CCNY: variants seen among roughly 807,000 people sequenced by gnomAD.
The protein encoded by CCNY is cyclin Y.
In CCNY, 19 loss-of-function variants were observed where a neutral mutation model predicts 42.8. That is an observed-to-expected ratio of 0.44 (90% CI 0.31 to 0.65). The LOEUF is 0.65. Ranked by LOEUF, CCNY falls within the 30% of genes least tolerant of loss-of-function variation. CCNY has a pLI of 0.07. For synonymous variants in CCNY, 165 were observed against 162.7 expected (o/e 1.01, Z -0.11); for missense variants, 370 against 437.3 (o/e 0.85, Z 1.37).
intron 1 of CCNY, among the ~76,000 whole-genome samples, chr10:35,377,138 A>G (rs888543919): frequency 6.6e-6 from 1 of 152,206 alleles, no homozygotes; most frequent in African/African-American, 2.4e-5. Context: ...CCGTAATGTC[A>G]TAGTATAATT....
At chr10:35,365,476 TA>T (rs1044120771) in intron 1 of CCNY, among the ~76,000 whole-genome samples, 3 of 149,110 alleles carry the variant, frequency 2.0e-5, no homozygotes, top group African/African-American at 7.8e-5. Flanking sequence ...TGTTGAATAT[TA>T]AAAAATTGCA....
intron 3 of CCNY, among the ~76,000 whole-genome samples, chr10:35,275,881 C>CG (rs1437809983): frequency 6.6e-6 from 1 of 152,198 alleles, no homozygotes; most frequent in African/African-American, 2.4e-5. Flanking sequence ...CCCCAGCCAC[C>CG]GCCGGTTTAG....
chr10:35,342,523 C>T (rs1279145710), intron 1 of CCNY, among the ~76,000 whole-genome samples: 1 of 152,216 alleles, frequency 6.6e-6, no homozygotes, highest in African/African-American at 2.4e-5. Context: ...TTTCATGTTT[C>T]TCTTTCACTT....
At chr10:35,501,406 G>T in intron 2 of CCNY, 95 bp from the exon 3 acceptor site, 1 of 995,984 alleles carries the variant, frequency 1.0e-6, no homozygotes, top group Non-Finnish European at 1.6e-6. Flanking sequence ...TTGGTGGAAG[G>T]ACGGGACCAC....
intron 2 of CCNY, 82 bp from the exon 3 acceptor site, chr10:35,501,419 C>A: frequency 8.4e-7 from 1 of 1,184,380 alleles, no homozygotes; most frequent in South Asian, 1.2e-5. Context: ...GGGACCACGA[C>A]ACAGAGGCCC....
chr10:35,497,746 A>T (rs956919002), intron 2 of CCNY, among the ~76,000 whole-genome samples: 2 of 151,942 alleles, frequency 1.3e-5, no homozygotes, highest in Non-Finnish European at 2.9e-5. Flanking sequence ...AAAAAAAAAA[A>T]AAATTCTACT....
chr10:35,492,695 G>GGGAATGAA (rs1839924743), intron 2 of CCNY, among the ~76,000 whole-genome samples: 1 of 152,210 alleles, frequency 6.6e-6, no homozygotes, highest in African/African-American at 2.4e-5. Flanking sequence ...ACAAGCATAG[G>GGGAATGAA]GGAATGAAGG....
At chr10:35,369,269 T>G (rs898584606) in intron 1 of CCNY, among the ~76,000 whole-genome samples, 2 of 152,220 alleles carry the variant, frequency 1.3e-5, no homozygotes, top group African/African-American at 2.4e-5. Context: ...TGGTGAGGCT[T>G]GAGGTCCCAC....
chr10:35,466,142 C>T (rs1230575919), intron 1 of CCNY, among the ~76,000 whole-genome samples: 1 of 151,956 alleles, frequency 6.6e-6, no homozygotes, highest in East Asian at 1.9e-4. Flanking sequence ...GTATGGGGGG[C>T]ACACATTCAA....
At chr10:35,514,413 G>A (rs1257060549) in intron 3 of CCNY, among the ~76,000 whole-genome samples, 1 of 152,208 alleles carries the variant, frequency 6.6e-6, no homozygotes, top group African/African-American at 2.4e-5. Flanking sequence ...CAGACCCGCA[G>A]GTGGGGCAGT....
intron 3 of CCNY, among the ~76,000 whole-genome samples, chr10:35,270,170 A>G (rs905032626): frequency 3.3e-5 from 5 of 152,054 alleles, no homozygotes; most frequent in Admixed American, 6.6e-5. Flanking sequence ...CCTTACTCCA[A>G]TTGCCCTTAA....
intron 7 of CCNY, among the ~76,000 whole-genome samples, chr10:35,539,164 T>A (rs1175462907): frequency 6.6e-6 from 1 of 152,216 alleles, no homozygotes; most frequent in Non-Finnish European, 1.5e-5. Flanking sequence ...TTACCATAGA[T>A]TTGAAGTTGA....
At chr10:35,292,568 T>C (rs34595797) in intron 3 of CCNY, among the ~76,000 whole-genome samples, 64,173 of 151,506 alleles carry the variant, frequency 0.42, 14,410 homozygotes, top group African/African-American at 0.57. Context: ...GCCATGTTGG[T>C]CAGGCTGGTC....
intron 3 of CCNY, among the ~76,000 whole-genome samples, chr10:35,505,725 A>T (rs1840202564): frequency 6.6e-6 from 1 of 152,240 alleles, no homozygotes; most frequent in South Asian, 2.1e-4. Flanking sequence ...ATTATTGTCC[A>T]TTGGAATTTA....
At chr10:35,377,463 C>T (rs925088648) in intron 1 of CCNY, among the ~76,000 whole-genome samples, 4 of 152,134 alleles carry the variant, frequency 2.6e-5, no homozygotes, top group Admixed American at 6.5e-5. Context: ...TATGAACAAC[C>T]GGCTGTCCTA....
chr10:35,386,940 T>C (rs766218483), intron 1 of CCNY, among the ~76,000 whole-genome samples: 9 of 152,224 alleles, frequency 5.9e-5, no homozygotes, highest in Non-Finnish European at 1.3e-4. Flanking sequence ...AATGCAGTGC[T>C]GCCTTTGTGC....
At chr10:35,553,401 C>T (rs1326331088) in intron 8 of CCNY, among the ~76,000 whole-genome samples, 1 of 152,080 alleles carries the variant, frequency 6.6e-6, no homozygotes, top group African/African-American at 2.4e-5. Context: ...ACTGGTAACA[C>T]CTCCTGGTTT....
rs114753169 is a variant in CCNY at position 35,565,264 on chromosome 10, G to A, written c.747-759G>A. Among the ~76,000 whole-genome samples the A allele has an allele frequency of 7.6e-3, 1,164 of 152,238 alleles. 13 individuals are homozygous for A. Among genetic ancestry groups the A allele is most frequent in the African/African-American group, 0.027 (1,114 of 41,540 alleles). On this transcript the variant is annotated intron_variant, in intron 8 of 9. Coordinates refer to ENST00000374704, the MANE Select transcript of CCNY (RefSeq NM_145012.6). Reference sequence around the variant, plus strand: ...CCCAACCTACCTTTTTAGTTGAGTGGTTCTCAGAGTGTGGGCCCGGGGCAA... The same window carrying A: ...CCCAACCTACCTTTTTAGTTGAGTGATTCTCAGAGTGTGGGCCCGGGGCAA...
chr10:35,516,586 A>ACAGT lies in CCNY; in HGVS notation c.335_338dup (p.Pro114SerfsTer9). On this transcript the variant is annotated frameshift_variant, in exon 4 of 10. Transcript: ENST00000374704. LOFTEE classifies it high-confidence loss of function. ...CTCCACCATTTTCCTAGATGATAGC[A>ACAGT]CAGTCAGTCAACCAAACCTCAAGTA... is the stretch of plus-strand genomic sequence containing the variant. 1 of 1,612,400 alleles carries ACAGT rather than the reference A, an allele frequency of 6.2e-7. No homozygotes were observed. The highest frequency in any genetic ancestry group is 8.5e-7 in the Non-Finnish European group (1 of 1,179,386).
Sources: allele counts gnomAD v4.1 joint callset (sites outside exome capture counted in the v4.1 genomes callset), GRCh38; gene constraint gnomAD v4.1.1; transcripts MANE v1.5; gene names NCBI Gene and HGNC (gene_info 2026-07-23, HGNC 2026-07-21).